The following ELAPOR2 variants were observed in gnomAD, a reference collection of about 807,000 sequenced individuals.
The protein encoded by ELAPOR2 is endosome/lysosome-associated apoptosis and autophagy regulator family member 2.
ELAPOR2 carries 89 observed loss-of-function variants against 120.7 expected under a neutral mutation model. The ratio of observed to expected loss-of-function variants is 0.74; its 90% CI spans 0.62 to 0.88. ELAPOR2 has a LOEUF of 0.88. Ranked by LOEUF, ELAPOR2 falls within the 40% of genes least tolerant of loss-of-function variation. The pLI, the probability that ELAPOR2 is intolerant of heterozygous loss-of-function variation, is 0.00. For missense variants in ELAPOR2, 1,134 were observed against 1,251.6 expected (o/e 0.91, Z 1.42); for synonymous variants, 444 against 444.9 (o/e 1.00, Z 0.03).
At chr7:87,027,542 G>C (rs1233869944) in intron 1 of ELAPOR2, among the ~76,000 whole-genome samples, 2 of 152,118 alleles carry the variant, frequency 1.3e-5, no homozygotes, top group African/African-American at 4.8e-5. Flanking sequence ...ACCTTATTTG[G>C]TCCTTTGCAG....
chr7:86,994,719 G>A (rs950439383), intron 1 of ELAPOR2, among the ~76,000 whole-genome samples: 33 of 152,144 alleles, frequency 2.2e-4, no homozygotes, highest in African/African-American at 7.7e-4. Context: ...GTAAGAAAAA[G>A]TTGACTTAGT....
chr7:86,902,558 TTAC>T (rs1408978734), intron 18 of ELAPOR2, among the ~76,000 whole-genome samples: 2 of 152,180 alleles, frequency 1.3e-5, no homozygotes, highest in African/African-American at 4.8e-5. Context: ...ACACCATCTC[TTAC>T]TACTATCACT....
chr7:86,973,796 G>C (rs1285641620), intron 1 of ELAPOR2, among the ~76,000 whole-genome samples: 1 of 152,186 alleles, frequency 6.6e-6, no homozygotes, highest in East Asian at 1.9e-4. Flanking sequence ...TTGGCCCACA[G>C]ACTGTAAAGC....
chr7:86,908,006 A>G (rs1247582538), intron 17 of ELAPOR2, among the ~76,000 whole-genome samples: 1 of 152,030 alleles, frequency 6.6e-6, no homozygotes, highest in Non-Finnish European at 1.5e-5. Context: ...TAGTAAAGAT[A>G]TAATTTTAAT....
At chr7:87,034,052 T>C (rs1449698336) in intron 1 of ELAPOR2, among the ~76,000 whole-genome samples, 1 of 152,198 alleles carries the variant, frequency 6.6e-6, no homozygotes, top group Non-Finnish European at 1.5e-5. Flanking sequence ...AGTAAGTTCA[T>C]GTCATATTTT....
chr7:86,903,939 G>T (rs1562908902), intron 18 of ELAPOR2, among the ~76,000 whole-genome samples: 2 of 152,136 alleles, frequency 1.3e-5, no homozygotes. Context: ...TTATCCTCTG[G>T]GGTAAGTGTG....
intron 12 of ELAPOR2, among the ~76,000 whole-genome samples, chr7:86,915,538 G>C (rs902778665): frequency 2.6e-5 from 4 of 151,728 alleles, no homozygotes; most frequent in African/African-American, 9.7e-5. Context: ...AACATGACTG[G>C]AAAGCAAATA....
chr7:86,947,077 G>A (rs1028443123), intron 3 of ELAPOR2, among the ~76,000 whole-genome samples: 1 of 152,184 alleles, frequency 6.6e-6, no homozygotes, highest in African/African-American at 2.4e-5. Context: ...TGGGGTTCCT[G>A]AGAGGCTACT....
chr7:86,946,159 T>TCACACACACACA (rs3223108), intron 3 of ELAPOR2, among the ~76,000 whole-genome samples: 1,727 of 146,368 alleles, frequency 0.012, 30 homozygotes, highest in East Asian at 0.071. Context: ...ATACCATTTC[T>TCACACACACACA]CACACACACA....
chr7:86,950,012 C>A lies in ELAPOR2; in HGVS notation c.311-2090G>T, dbSNP rs192107898. ...TGGGAACTTGTGGTGCTTTTTCCCC[C>A]CAGACTGCCCATGGCCGCCCATTGA... On this transcript the variant is annotated intron_variant, in intron 2 of 21. Coordinates refer to ENST00000450689, the MANE Select transcript of ELAPOR2 (RefSeq NM_001142749.3). 5.3e-3 allele frequency among the ~76,000 whole-genome samples: 809 copies of A among 152,320 alleles called. 6 individuals carry two copies. The highest frequency in any genetic ancestry group is 7.6e-3 in the Non-Finnish European group (517 of 68,026).
intron 21 of ELAPOR2, among the ~76,000 whole-genome samples, chr7:86,882,817 G>A (rs537646617): frequency 9.9e-5 from 15 of 152,118 alleles, no homozygotes; most frequent in East Asian, 9.7e-4. Context: ...TGAACCTCGC[G>A]AGGTCTCAAT....
intron 1 of ELAPOR2, among the ~76,000 whole-genome samples, chr7:86,978,773 T>C (rs1792363713): frequency 6.6e-6 from 1 of 152,236 alleles, no homozygotes; most frequent in Non-Finnish European, 1.5e-5. Context: ...TGTAAGGCTA[T>C]AGGAATAAAT....
At chr7:86,998,999 A>G (rs188186879) in intron 1 of ELAPOR2, among the ~76,000 whole-genome samples, 1 of 152,022 alleles carries the variant, frequency 6.6e-6, no homozygotes, top group African/African-American at 2.4e-5. Context: ...TTTTTTTCTT[A>G]AACTTATTTA....
At chr7:87,049,528 A>C (rs1214913910) in intron 1 of ELAPOR2, among the ~76,000 whole-genome samples, 2 of 152,050 alleles carry the variant, frequency 1.3e-5, no homozygotes, top group South Asian at 2.1e-4. Flanking sequence ...GTGATCCGCC[A>C]GCCTCGGCCT....
chr7:86,975,095 G>A (rs1439590836), intron 1 of ELAPOR2, among the ~76,000 whole-genome samples: 1 of 152,218 alleles, frequency 6.6e-6, no homozygotes, highest in African/African-American at 2.4e-5. Context: ...AGAACAAAGA[G>A]ATGATGGAGC....
At chr7:86,945,997 C>T (rs1790985559) in intron 3 of ELAPOR2, among the ~76,000 whole-genome samples, 1 of 151,814 alleles carries the variant, frequency 6.6e-6, no homozygotes, top group Admixed American at 6.6e-5. Flanking sequence ...TGTACAGGAA[C>T]TCCTTCAGCT....
intron 18 of ELAPOR2, among the ~76,000 whole-genome samples, chr7:86,902,492 A>G (rs1348751562): frequency 6.6e-6 from 1 of 152,120 alleles, no homozygotes; most frequent in African/African-American, 2.4e-5. Flanking sequence ...CTCTTTTATA[A>G]GGACACTAAT....
chr7:86,918,388 G>A, intron 12 of ELAPOR2, 54 bp downstream of exon 12: 2 of 626,354 alleles, frequency 3.2e-6, no homozygotes, highest in Non-Finnish European at 5.3e-6. Flanking sequence ...ATTTACACTT[G>A]AAGGAGAATG....
intron 2 of ELAPOR2, among the ~76,000 whole-genome samples, chr7:86,961,678 G>A (rs895465828): frequency 6.6e-6 from 1 of 152,236 alleles, no homozygotes; most frequent in African/African-American, 2.4e-5. Flanking sequence ...AAGAATAAAT[G>A]AGGAGAATGA....
Sources: allele counts gnomAD v4.1 joint callset (sites outside exome capture counted in the v4.1 genomes callset), GRCh38; gene constraint gnomAD v4.1.1; transcripts MANE v1.5; gene names NCBI Gene and HGNC (gene_info 2026-07-23, HGNC 2026-07-21).